Variants in SAMD8 observed in about 807,000 individuals in gnomAD.
SAMD8 encodes the protein sphingomyelin synthase-related protein 1.
Under a neutral mutation model 42.0 loss-of-function variants are expected in SAMD8, and 20 were observed. The observed-to-expected ratio is 0.48, with a 90% confidence interval of 0.34 to 0.69. The LOEUF (loss-of-function observed/expected upper bound fraction) is 0.69. Among genes scored for constraint, SAMD8 ranks in the 30% least tolerant of loss-of-function variants. The probability of loss-of-function intolerance (pLI) is 0.01; values close to 1 mark genes in which losing one functional copy is unlikely to be tolerated. For missense variants in SAMD8, 328 were observed against 511.6 expected, an observed-to-expected ratio of 0.64 and a Z score of 3.46; for synonymous variants, 162 against 173.0, an observed-to-expected ratio of 0.94 and a Z score of 0.50.
chr10:75,139,576 A>G (rs1008726246), intron 1 of SAMD8, among the ~76,000 whole-genome samples: 1 of 152,214 alleles, frequency 6.6e-6, no homozygotes, highest in Non-Finnish European at 1.5e-5. Flanking sequence ...ATACAGAATT[A>G]TGTATGATGT....
intron 2 of SAMD8, among the ~76,000 whole-genome samples, chr10:75,154,020 C>A (rs993356712): frequency 4.6e-5 from 7 of 152,290 alleles, no homozygotes; most frequent in Admixed American, 1.3e-4. Flanking sequence ...CCCACCTGGG[C>A]CTCCCAAAGT....
At chr10:75,150,379 C>G (rs920453745) in intron 1 of SAMD8, 135 bp from the exon 2 acceptor site, 1 of 1,420,028 alleles carries the variant, frequency 7.0e-7, no homozygotes, top group African/African-American at 1.4e-5. Flanking sequence ...AACTCAGCCT[C>G]CCAAAGTGCT....
upstream of SAMD8, chr10:75,109,187 T>TGGTCACTCCTCTCTGCCTCTCC: frequency 5.2e-6 from 8 of 1,532,748 alleles, no homozygotes; most frequent in Non-Finnish European, 7.0e-6. Context: ...TCTGCCTCTG[T>TGGTCACTCCTCTCTGCCTCTCC]GGTCACTCCT....
At chr10:75,123,343 G>C (rs1407842315) in intron 1 of SAMD8, among the ~76,000 whole-genome samples, 2 of 152,154 alleles carry the variant, frequency 1.3e-5, no homozygotes, top group African/African-American at 4.8e-5. Flanking sequence ...CAAGGAGCAG[G>C]AGGGGTGCCT....
intron 1 of SAMD8, among the ~76,000 whole-genome samples, chr10:75,127,829 G>GGAACAACA (rs1180565624): frequency 2.0e-5 from 3 of 152,180 alleles, no homozygotes; most frequent in African/African-American, 7.2e-5. Context: ...GGATTAACTA[G>GGAACAACA]TTCATGCTAA....
intron 2 of SAMD8, among the ~76,000 whole-genome samples, chr10:75,157,636 A>G (rs1840443685): frequency 6.6e-6 from 1 of 152,206 alleles, no homozygotes; most frequent in Non-Finnish European, 1.5e-5. Flanking sequence ...CTAGGAGAGT[A>G]GGAGAGTGAA....
At chr10:75,140,914 G>GT (rs1839996074) in intron 1 of SAMD8, among the ~76,000 whole-genome samples, 1 of 152,044 alleles carries the variant, frequency 6.6e-6, no homozygotes, top group African/African-American at 2.4e-5. Context: ...TCTTAGCAGT[G>GT]TTTTTTGTTG....
chr10:75,166,245 T>C (rs1465423271), intron 3 of SAMD8, among the ~76,000 whole-genome samples: 4 of 152,116 alleles, frequency 2.6e-5, no homozygotes, highest in African/African-American at 9.7e-5. Flanking sequence ...GGGGCTCCTT[T>C]CCTAGTTTAA....
At chr10:75,150,489 TTG>T in intron 1 of SAMD8, 23 bp from the exon 2 acceptor site, 1 of 1,565,378 alleles carries the variant, frequency 6.4e-7, no homozygotes, top group Non-Finnish European at 8.6e-7. Context: ...AGCTTTTGTT[TTG>T]TTTTCCTGTT....
At chr10:75,107,906 G>A (rs2134397162), upstream of SAMD8, 2 of 1,415,758 alleles carry the variant, frequency 1.4e-6, no homozygotes, top group South Asian at 2.7e-5. Flanking sequence ...AAGCAGGGAT[G>A]GGAGGGCACT....
intron 1 of SAMD8, among the ~76,000 whole-genome samples, chr10:75,149,711 A>AT (rs1459039000): frequency 1.3e-5 from 2 of 151,990 alleles, no homozygotes; most frequent in East Asian, 1.9e-4. Context: ...CAGAAATCGG[A>AT]TTTTTTTCTC....
At chr10:75,106,481 C>T (rs772608105) in intron 1 of SAMD8, among the ~76,000 whole-genome samples, 45 of 152,332 alleles carry the variant, frequency 3.0e-4, no homozygotes, top group Non-Finnish European at 5.4e-4. Flanking sequence ...GCTTCCTCCA[C>T]AGGCTTTCTT....
intron 2 of SAMD8, among the ~76,000 whole-genome samples, chr10:75,156,259 G>A (rs894965021): frequency 2.6e-5 from 4 of 151,866 alleles, no homozygotes; most frequent in East Asian, 3.9e-4. Flanking sequence ...CATTCCTCAC[G>A]AAAATGAACT....
rs184882537 is a variant in SAMD8 at position 75,134,495 on chromosome 10, C to T, written c.-15-16019C>T. Among the ~76,000 whole-genome samples, 517 of 152,012 alleles carry T rather than the reference C, an allele frequency of 3.4e-3. 2 individuals carry two copies. Among genetic ancestry groups the T allele is most frequent in the African/African-American group, 0.011 (477 of 41,484 alleles). On this transcript the variant is annotated intron_variant, in intron 1 of 5. Coordinates refer to ENST00000542569, the MANE Select transcript of SAMD8 (RefSeq NM_001174156.2). ...ACTAAAAATACAAAAATTAGCTGAGCGTGGTGGTGGGCACCTGTAATCCCA... is the reference window on the plus strand; with the variant it reads ...ACTAAAAATACAAAAATTAGCTGAGTGTGGTGGTGGGCACCTGTAATCCCA...
At chr10:75,106,706 G>A (rs1056044176), upstream of SAMD8, among the ~76,000 whole-genome samples, 3 of 152,222 alleles carry the variant, frequency 2.0e-5, no homozygotes, top group African/African-American at 7.2e-5. Context: ...AGTTCCAAGA[G>A]GGCAGGGATC....
At chr10:75,116,909 A>G (rs923331085) in intron 1 of SAMD8, among the ~76,000 whole-genome samples, 1 of 151,774 alleles carries the variant, frequency 6.6e-6, no homozygotes, top group Non-Finnish European at 1.5e-5. Context: ...TCCCGGGTTC[A>G]AGCAATTCTC....
chr10:75,106,317 G>A (rs74146286), intron 1 of SAMD8, among the ~76,000 whole-genome samples: 2,245 of 151,460 alleles, frequency 0.015, 63 homozygotes, highest in African/African-American at 0.05. Flanking sequence ...CCTTCAGCTC[G>A]AGAAACATGG....
rs371777840 is a variant in SAMD8 at position 75,154,186 on chromosome 10, T to G, written c.578+3080T>G. On this transcript the variant is annotated intron_variant, in intron 2 of 5. Transcript: ENST00000542569. ...TGGAAGATGGATGGATGAGTGGCAA[T>G]TGACAAACCCAAAATTAACCTAATT... is the stretch of plus-strand genomic sequence containing the variant. Among the ~76,000 whole-genome samples, 3 of 152,172 alleles carry G rather than the reference T, an allele frequency of 2.0e-5. 1 individual carries two copies. The South Asian group carries it at 6.2e-4, about 32-fold the overall frequency.
intron 3 of SAMD8, 141 bp from the exon 4 acceptor site, chr10:75,168,400 G>A: frequency 6.8e-7 from 1 of 1,479,758 alleles, no homozygotes; most frequent in Non-Finnish European, 9.0e-7. Flanking sequence ...CGATGCTTTT[G>A]ATGGTCTTTA....
Sources: allele counts gnomAD v4.1 joint callset (sites outside exome capture counted in the v4.1 genomes callset), GRCh38; gene constraint gnomAD v4.1.1; transcripts MANE v1.5; gene names NCBI Gene and HGNC (gene_info 2026-07-23, HGNC 2026-07-21).